CLMP: variants seen among roughly 807,000 people sequenced by gnomAD.
CLMP encodes the protein CXADR-like membrane protein.
Under a neutral mutation model 45.2 loss-of-function variants are expected in CLMP, and 27 were observed. That is an observed-to-expected ratio of 0.60 (90% CI 0.44 to 0.82). The LOEUF is 0.82. Among genes scored for constraint, CLMP ranks in the 40% least tolerant of loss-of-function variants. CLMP has a pLI of 0.00. For synonymous variants in CLMP, 167 were observed against 171.4 expected (o/e 0.97, Z 0.20); for missense variants, 403 against 448.4 (o/e 0.90, Z 0.91).
At chr11:123,154,846 T>C (rs1303515217) in intron 1 of CLMP, among the ~76,000 whole-genome samples, 1 of 152,228 alleles carries the variant, frequency 6.6e-6, no homozygotes, top group Non-Finnish European at 1.5e-5. Context: ...TTTTGATGAA[T>C]ATAATGGGAA....
chr11:123,164,699 TG>T (rs1229122170), intron 1 of CLMP, among the ~76,000 whole-genome samples: 2 of 152,230 alleles, frequency 1.3e-5, no homozygotes, highest in South Asian at 4.2e-4. Flanking sequence ...CACACAACAT[TG>T]TACTTGTTTA....
rs766986302 is a variant in CLMP at position 123,150,532 on chromosome 11, G to GGC, written c.28+44380_28+44381insGC. ...GGAAGGAAGGAAGGAAGGAAGGAAAGAAACAAGCAAGGAAGGAAGGAAGGA... is the reference window on the plus strand; with the variant it reads ...GGAAGGAAGGAAGGAAGGAAGGAAAGGCAAACAAGCAAGGAAGGAAGGAAGGA... On this transcript the variant is annotated intron_variant, in intron 1 of 6. Transcript: ENST00000448775. Among the ~76,000 whole-genome samples, 701 of 111,020 alleles carry GGC rather than the reference G, an allele frequency of 6.3e-3. 13 individuals carry two copies. The highest frequency in any genetic ancestry group is 9.3e-3 in the Non-Finnish European group (518 of 55,506). 72.8% of individuals were successfully genotyped at this position (111,020 alleles called of 152,430 possible).
chr11:123,081,354 C>T (rs1036575138), intron 5 of CLMP, among the ~76,000 whole-genome samples: 2 of 152,102 alleles, frequency 1.3e-5, no homozygotes, highest in African/African-American at 4.8e-5. Flanking sequence ...TTTTTCAAGA[C>T]TCAATCTCTA....
At chr11:123,139,802 C>T (rs1413603719) in intron 1 of CLMP, among the ~76,000 whole-genome samples, 4 of 150,630 alleles carry the variant, frequency 2.7e-5, no homozygotes, top group Middle Eastern at 3.4e-3. Flanking sequence ...GGCAACAGAG[C>T]GAGACACCGT....
chr11:123,178,716 A>G (rs1303048365), intron 1 of CLMP, among the ~76,000 whole-genome samples: 3 of 151,840 alleles, frequency 2.0e-5, no homozygotes, highest in Non-Finnish European at 4.4e-5. Flanking sequence ...AAATGAAAGG[A>G]CTCTCTCTAT....
At position 123,097,842 on chromosome 11, in the gene CLMP, G is replaced by C; in HGVS notation, c.139C>G (p.Leu47Val). ...HQLGLPEKDT[L>V]DIEWLLTDNE... is the part of the protein sequence containing the mutation. The stretch of plus-strand genomic sequence containing the variant: ...TCGGTGAGCAGCCATTCAATATCCA[G>C]AGTGTCTTTTTCTGGAAGCCCCAGT... The change falls in exon 2 of 7, where the codon CTG becomes GTG. Residue 47 changes from leucine (L) to valine (V), a missense_variant. Physicochemically the swap from Leu to Val is conservative, Grantham distance 32. Transcript: ENST00000448775. 1 of 1,610,170 alleles carries C rather than the reference G, an allele frequency of 6.2e-7. No individual in the cohort carries two copies. Among genetic ancestry groups the C allele is most frequent in the Non-Finnish European group, 8.5e-7 (1 of 1,178,252 alleles).
chr11:123,170,154 G>C (rs566646049), intron 1 of CLMP, among the ~76,000 whole-genome samples: 4 of 152,120 alleles, frequency 2.6e-5, no homozygotes, highest in Non-Finnish European at 5.9e-5. Flanking sequence ...ACTTTGTAGG[G>C]CAATTTCAAG....
intron 1 of CLMP, among the ~76,000 whole-genome samples, chr11:123,107,717 C>T (rs571454918): frequency 6.6e-6 from 1 of 152,038 alleles, no homozygotes; most frequent in Admixed American, 6.6e-5. Flanking sequence ...CATGGACAAA[C>T]CAGGATTGTG....
intron 1 of CLMP, among the ~76,000 whole-genome samples, chr11:123,127,629 C>A (rs1860915501): frequency 6.6e-6 from 1 of 152,132 alleles, no homozygotes; most frequent in South Asian, 2.1e-4. Flanking sequence ...TTACTCCAAT[C>A]CCAACAACCC....
In CLMP at chr11:123,120,266, A is replaced by G. The variant is rs139215188; in HGVS notation, c.29-22314T>C. ...TGAGACCCCATCTCCACAAAAATAT[A>G]AAAGTAATACTAAATAAAAATACAA... On this transcript the variant is annotated intron_variant, in intron 1 of 6. Transcript: ENST00000448775. Among the ~76,000 whole-genome samples the G allele has an allele frequency of 1.8e-3, 268 of 152,278 alleles. 2 individuals are homozygous for G. Among genetic ancestry groups the G allele is most frequent in the African/African-American group, 6.3e-3 (260 of 41,566 alleles).
intron 1 of CLMP, among the ~76,000 whole-genome samples, chr11:123,150,521 A>C (rs537015980): frequency 1.4e-3 from 174 of 128,566 alleles, no homozygotes; most frequent in South Asian, 6.0e-3. Flanking sequence ...GGAAGGAAGG[A>C]AGGAAGGAAA....
At chr11:123,151,290 A>G (rs1227638473) in intron 1 of CLMP, among the ~76,000 whole-genome samples, 1 of 152,222 alleles carries the variant, frequency 6.6e-6, no homozygotes, top group Non-Finnish European at 1.5e-5. Context: ...TAAAGTCCAC[A>G]TATGGAAATG....
chr11:123,113,437 A>G (rs923276381), intron 1 of CLMP, among the ~76,000 whole-genome samples: 1 of 152,214 alleles, frequency 6.6e-6, no homozygotes, highest in African/African-American at 2.4e-5. Flanking sequence ...AAGATCACTA[A>G]TGTGATCAGG....
At chr11:123,081,894 T>A (rs1215491973) in intron 5 of CLMP, among the ~76,000 whole-genome samples, 1 of 150,536 alleles carries the variant, frequency 6.6e-6, no homozygotes, top group Non-Finnish European at 1.5e-5. Flanking sequence ...AAAGAAAAAC[T>A]CTATGAGACA....
At chr11:123,119,046 CCTCTCCCT>C (rs1292967317) in intron 1 of CLMP, among the ~76,000 whole-genome samples, 1 of 4,978 alleles carries the variant, frequency 2.0e-4, no homozygotes, top group Non-Finnish European at 3.9e-4. Flanking sequence ...TCTCTCTCTC[CCTCTCCCT>C]CTCTCTCTCT....
At chr11:123,107,314 T>C (rs1860573968) in intron 1 of CLMP, among the ~76,000 whole-genome samples, 1 of 151,886 alleles carries the variant, frequency 6.6e-6, no homozygotes, top group African/African-American at 2.4e-5. Flanking sequence ...CACCGAAACC[T>C]CGGCCTCCTG....
intron 1 of CLMP, among the ~76,000 whole-genome samples, chr11:123,130,767 T>G (rs150854170): frequency 1.3e-5 from 2 of 152,008 alleles, no homozygotes; most frequent in East Asian, 3.9e-4. Context: ...GAGCTGCTTC[T>G]AAACACCGTC....
At chr11:123,138,978 T>C (rs1020551885) in intron 1 of CLMP, among the ~76,000 whole-genome samples, 1 of 152,020 alleles carries the variant, frequency 6.6e-6, no homozygotes, top group African/African-American at 2.4e-5. Context: ...TTTAAATGGG[T>C]GAAAAAAATT....
At chr11:123,150,529 AAAGAAACAAGC>A (rs1417873417) in intron 1 of CLMP, among the ~76,000 whole-genome samples, 1 of 120,132 alleles carries the variant, frequency 8.3e-6, no homozygotes, top group African/African-American at 3.4e-5. Context: ...GGAAGGAAGG[AAAGAAACAAGC>A]AAGGAAGGAA....
Sources: allele counts gnomAD v4.1 joint callset (sites outside exome capture counted in the v4.1 genomes callset), GRCh38; gene constraint gnomAD v4.1.1; transcripts MANE v1.5; gene names NCBI Gene and HGNC (gene_info 2026-07-23, HGNC 2026-07-21).